Variants in ABCA6 observed in about 807,000 individuals in gnomAD.
ABCA6 encodes ATP-binding cassette sub-family A member 6.
ABCA6 carries 164 observed loss-of-function variants against 191.2 expected under a neutral mutation model. The observed-to-expected ratio is 0.86, with a 90% CI of 0.76 to 0.98. ABCA6 has a LOEUF of 0.98. ABCA6 is among the 50% of genes least tolerant of loss of function. The pLI is 0.00. For missense variants in ABCA6, 1,958 were observed against 1,894.1 expected, an observed-to-expected ratio of 1.03 and a Z score of -0.63; for synonymous variants, 636 against 647.7, an observed-to-expected ratio of 0.98 and a Z score of 0.27.
rs111891334 is a variant in ABCA6, at chr17:69,107,968, C to T, written c.2273-156G>A. The T allele has an allele frequency of 1.6e-3, 890 of 556,602 alleles. 9 individuals are homozygous for T. The highest frequency in any genetic ancestry group is 0.015 in the African/African-American group (782 of 51,156). The allele number at this position is 556,602 out of a possible 1,614,324, so 34.5% of individuals were successfully genotyped here. The stretch of plus-strand genomic sequence containing the variant: ...TCAAAAGCAAAATTTCATGAGAATG[C>T]TCTCCTTCTCTGAAATGACTAAGGA... On this transcript the variant is annotated intron_variant, in intron 17 of 38. Transcript: ENST00000284425.
At chr17:69,092,514 G>A (rs1214255332) in intron 25 of ABCA6, among the ~76,000 whole-genome samples, 1 of 152,096 alleles carries the variant, frequency 6.6e-6, no homozygotes, top group Non-Finnish European at 1.5e-5. Context: ...AGTGTGAGAG[G>A]ATACTCCAGA....
chr17:69,079,179 A>T, intron 38 of ABCA6, 31 bp downstream of exon 38: 1 of 1,599,850 alleles, frequency 6.3e-7, no homozygotes. Context: ...GAAATTTACC[A>T]GATGATACAA....
rs773521980 is a variant in ABCA6, at chr17:69,123,420, G to A, written c.1268-13C>T. 1.4e-5 allele frequency: 20 copies of A among 1,449,698 alleles called. No homozygotes were observed. Among genetic ancestry groups the A allele is most frequent in the Non-Finnish European group, 1.8e-5 (19 of 1,083,846 alleles). The allele number at this position is 1,449,698 out of a possible 1,614,324, so 89.8% of individuals were successfully genotyped here. ...CGCTCATCTCCATCTAATTAACCAAGAGGCAACAAAATATGATCAGTAATA... is the reference window on the plus strand; with the variant it reads ...CGCTCATCTCCATCTAATTAACCAAAAGGCAACAAAATATGATCAGTAATA... On this transcript the variant is annotated splice_polypyrimidine_tract_variant and intron_variant, in intron 9 of 38. Transcript: ENST00000284425.
intron 4 of ABCA6, chr17:69,135,676 G>C (rs2073935945): frequency 3.8e-6 from 1 of 265,996 alleles, no homozygotes; most frequent in Non-Finnish European, 7.0e-6. Context: ...ATTCATTCTG[G>C]TCTCCCTTTA....
At chr17:69,130,863 A>G (rs890782846) in intron 6 of ABCA6, among the ~76,000 whole-genome samples, 48 of 152,128 alleles carry the variant, frequency 3.2e-4, no homozygotes, top group Non-Finnish European at 2.9e-5. Flanking sequence ...TCACAACTCT[A>G]CTAAGCCCAT....
Position 69,086,679 on chromosome 17 carries a change from A to G in ABCA6, c.3876T>C (p.Ser1292=), listed in dbSNP as rs2072800861. The G allele has an allele frequency of 6.2e-7, 1 of 1,612,982 alleles. No homozygotes were observed. ...TTTTCTTCTTCCTCTTTGAAAAGCAACTTTTCTTCTGGCCTGCATATTCTT... is the reference window on the plus strand; with the variant it reads ...TTTTCTTCTTCCTCTTTGAAAAGCAGCTTTTCTTCTGGCCTGCATATTCTT... The part of the protein sequence containing the change: ...LHKEYAGQKK[S]CFSKRKKKIA... The change falls in exon 30 of 39, where the codon AGT becomes AGC. Residue 1292 remains serine, a synonymous_variant. Transcript: ENST00000284425.
intron 14 of ABCA6, 89 bp downstream of exon 14, chr17:69,113,529 A>G (rs1030804824): frequency 1.0e-5 from 16 of 1,595,866 alleles, no homozygotes; most frequent in Admixed American, 1.8e-5. Context: ...ATGCATTACA[A>G]TGAAAGCTCT....
chr17:69,125,304 T>A (rs1304459245), intron 8 of ABCA6, among the ~76,000 whole-genome samples: 1 of 151,868 alleles, frequency 6.6e-6, no homozygotes, highest in Non-Finnish European at 1.5e-5. Flanking sequence ...CAGAAAATCA[T>A]TGCAGTATTA....
At chr17:69,085,828 T>C in intron 30 of ABCA6, 112 bp from the exon 31 acceptor site, 1 of 719,142 alleles carries the variant, frequency 1.4e-6, no homozygotes, top group Non-Finnish European at 2.4e-6. Flanking sequence ...AGTACCATTT[T>C]GAGATTGATA....
rs574115757 is a variant in ABCA6, at chr17:69,137,451, C to T, written c.146G>A (p.Ser49Asn). 6.2e-7 allele frequency: 1 copy of T among 1,613,686 alleles called. No individual in the cohort carries two copies. Among genetic ancestry groups the T allele is most frequent in the Non-Finnish European group, 8.5e-7 (1 of 1,179,764 alleles). The change falls in exon 3 of 39, where the codon AGT becomes AAT. Residue 49 changes from serine (S) to asparagine (N), a missense_variant. Physicochemically the swap from Ser to Asn is conservative, Grantham distance 46. Transcript: ENST00000284425. ...LLGLCIALFS[S>N]SMRNVQFPGM... ...AGGAAACTGGACATTTCTCATGGAA[C>T]TGGAAAACAGAGCAATACACAGTCC...
chr17:69,104,282 C>T (rs2049996342), intron 20 of ABCA6: 1 of 152,016 alleles, frequency 6.6e-6, no homozygotes, highest in African/African-American at 2.4e-5. Context: ...AAGCCCACTG[C>T]CCTCAAGAGT....
chr17:69,141,623 A>G (rs1044576122), intron 1 of ABCA6, 122 bp downstream of exon 1: 1 of 152,068 alleles, frequency 6.6e-6, no homozygotes, highest in African/African-American at 2.4e-5. Flanking sequence ...AAGCAGAAAA[A>G]TTTAGTCTTA....
intron 36 of ABCA6, 42 bp downstream of exon 36, chr17:69,082,831 A>G: frequency 6.2e-7 from 1 of 1,612,844 alleles, no homozygotes; most frequent in African/African-American, 1.3e-5. Flanking sequence ...CACTGAGTGG[A>G]TAAACCCTCC....
intron 9 of ABCA6, among the ~76,000 whole-genome samples, chr17:69,124,228 G>A (rs2144695823): frequency 6.6e-6 from 1 of 151,930 alleles, no homozygotes; most frequent in East Asian, 1.9e-4. Flanking sequence ...GTCACAGAAA[G>A]ACAGGAATAT....
chr17:69,121,655 T>TC lies in ABCA6; in HGVS notation c.1436+1583dup, dbSNP rs376036979. Among the ~76,000 whole-genome samples the TC allele has an allele frequency of 1.8e-3, 279 of 152,064 alleles. 1 individual carries two copies. Among genetic ancestry groups the TC allele is most frequent in the African/African-American group, 6.5e-3 (269 of 41,504 alleles). ...GGGGTGGAGCACATTTTACTTTCTT[T>TC]CCTAGGTCACTAGGCAGCAGTAGAA... On this transcript the variant is annotated intron_variant, in intron 10 of 38. Coordinates refer to ENST00000284425, the MANE Select transcript of ABCA6 (RefSeq NM_080284.3).
chr17:69,116,366 T>C (rs1288848696), intron 11 of ABCA6, among the ~76,000 whole-genome samples: 3 of 152,082 alleles, frequency 2.0e-5, no homozygotes, highest in African/African-American at 7.2e-5. Flanking sequence ...CTCAATGAAA[T>C]CTAAGTGTTT....
In ABCA6 at chr17:69,117,911, C is replaced by A. The variant is rs995680718; in HGVS notation, c.1482G>T (p.Val494=). 6.3e-7 allele frequency: 1 copy of A among 1,578,676 alleles called. No homozygotes were observed. The highest frequency in any genetic ancestry group is 8.7e-7 in the Non-Finnish European group (1 of 1,154,816). The change falls in exon 11 of 39, where the codon GTG becomes GTT. Residue 494 remains valine (V), a synonymous_variant. Transcript: ENST00000284425. ...GTTTTTCTTTACCTTTCAATGCTTC[C>A]ACTTTTCCAGATTTTCCTTTATATT... ...KKEYKGKSGK[V]EALKGLLFDI...
At chr17:69,112,296 G>A (rs370657489) in intron 15 of ABCA6, 23 bp from the exon 16 acceptor site, 8 of 1,568,234 alleles carry the variant, frequency 5.1e-6, no homozygotes, top group Non-Finnish European at 7.0e-6. Flanking sequence ...AATCAAGGGA[G>A]AAAAGATATT....
chr17:69,138,259 C>T (rs2073979773), intron 2 of ABCA6, among the ~76,000 whole-genome samples: 1 of 152,114 alleles, frequency 6.6e-6, no homozygotes. Context: ...TTCACCCACC[C>T]AACCTACTTT....
Sources: gnomAD v4.1 joint callset for allele counts (sites outside exome capture counted in the v4.1 genomes callset) on GRCh38, gnomAD v4.1.1 for gene constraint, MANE v1.5 for transcripts, NCBI Gene and HGNC (gene_info 2026-07-23, HGNC 2026-07-21) for gene names.